The following LRBA variants were observed in gnomAD, a reference collection of about 807,000 sequenced individuals.
The protein encoded by LRBA is lipopolysaccharide-responsive and beige-like anchor protein.
LRBA carries 176 observed loss-of-function variants against 330.0 expected under a neutral mutation model. That is an observed-to-expected ratio of 0.53 (90% confidence interval 0.47 to 0.60). The LOEUF is 0.60. Among genes scored for constraint, LRBA ranks in the 20% least tolerant of loss-of-function variants. LRBA has a pLI of 0.00. For missense variants in LRBA, 3,259 were observed against 3,444.8 expected, an observed-to-expected ratio of 0.95 and a Z score of 1.35; for synonymous variants, 1,230 against 1,193.0, an observed-to-expected ratio of 1.03 and a Z score of -0.64.
chr4:150,976,554 TAA>T (rs1740202985), intron 2 of LRBA, among the ~76,000 whole-genome samples: 1 of 152,208 alleles, frequency 6.6e-6, no homozygotes, highest in Non-Finnish European at 1.5e-5. Flanking sequence ...TAATCTTTAT[TAA>T]GTTATTTTTT....
intron 36 of LRBA, among the ~76,000 whole-genome samples, chr4:150,688,244 T>C (rs1783800016): frequency 6.6e-6 from 1 of 152,190 alleles, no homozygotes; most frequent in Admixed American, 6.5e-5. Flanking sequence ...GAAAACTGGC[T>C]AGCCATATGC....
At chr4:150,401,410 G>A (rs1443853499) in intron 47 of LRBA, among the ~76,000 whole-genome samples, 1 of 152,076 alleles carries the variant, frequency 6.6e-6, no homozygotes, top group African/African-American at 2.4e-5. Context: ...ATAACTAAAT[G>A]ACATTATCTG....
chr4:150,359,241 T>C, intron 47 of LRBA, among the ~76,000 whole-genome samples: 1 of 152,204 alleles, frequency 6.6e-6, no homozygotes, highest in Non-Finnish European at 1.5e-5. Context: ...CATCTATTCA[T>C]TCAGTAAATA....
At chr4:150,639,682 T>C (rs188491566) in intron 37 of LRBA, among the ~76,000 whole-genome samples, 16 of 139,272 alleles carry the variant, frequency 1.1e-4, no homozygotes, top group Admixed American at 1.0e-3. Flanking sequence ...TAGAATGTTC[T>C]ACTGTATATC....
intron 2 of LRBA, among the ~76,000 whole-genome samples, chr4:151,005,452 A>C (rs1743920926): frequency 1.3e-5 from 2 of 151,046 alleles, no homozygotes; most frequent in South Asian, 2.1e-4. Context: ...AAAAAAAAAA[A>C]AAAAAAAAAA....
chr4:150,833,269 T>C (rs1747468959), intron 28 of LRBA, among the ~76,000 whole-genome samples: 1 of 151,888 alleles, frequency 6.6e-6, no homozygotes. Context: ...AAGGAGAACC[T>C]ACACACACCA....
chr4:150,427,697 A>G (rs1749825043), intron 46 of LRBA, among the ~76,000 whole-genome samples: 1 of 152,068 alleles, frequency 6.6e-6, no homozygotes, highest in African/African-American at 2.4e-5. Context: ...TTAAAACTCT[A>G]AATTATTAAA....
intron 2 of LRBA, among the ~76,000 whole-genome samples, chr4:150,997,722 G>C (rs1296035034): frequency 6.8e-6 from 1 of 147,806 alleles, no homozygotes; most frequent in African/African-American, 2.5e-5. Flanking sequence ...AATCCTTTTT[G>C]AGACAGAGTC....
chr4:150,370,453 T>C (rs546264960), intron 47 of LRBA, among the ~76,000 whole-genome samples: 2 of 152,268 alleles, frequency 1.3e-5, no homozygotes, highest in East Asian at 1.9e-4. Context: ...ACATACTATA[T>C]GATTCCAACT....
At chr4:150,989,557 G>A (rs925901080) in intron 2 of LRBA, among the ~76,000 whole-genome samples, 6 of 152,098 alleles carry the variant, frequency 3.9e-5, no homozygotes, top group Non-Finnish European at 8.8e-5. Flanking sequence ...AGGCTGCAGT[G>A]AGCCGAGATC....
At chr4:150,449,011 G>C (rs560063826) in intron 44 of LRBA, among the ~76,000 whole-genome samples, 2 of 152,148 alleles carry the variant, frequency 1.3e-5, no homozygotes, top group African/African-American at 2.4e-5. Flanking sequence ...AGACCAGGGG[G>C]TAGCTCTCTA....
At chr4:150,639,208 TAGGGGAA>T (rs1778242110) in intron 37 of LRBA, among the ~76,000 whole-genome samples, 1 of 81,096 alleles carries the variant, frequency 1.2e-5, no homozygotes, top group Non-Finnish European at 2.4e-5. Context: ...TGTGGTGGGG[TAGGGGAA>T]GGGGGGAGGG....
intron 40 of LRBA, chr4:150,584,152 C>G (rs1236735979): frequency 4.0e-6 from 6 of 1,495,372 alleles, no homozygotes; most frequent in Non-Finnish European, 5.3e-6. Context: ...CGGGCGTGCT[C>G]TCTCAGACAC....
At chr4:150,387,156 C>A (rs1324006630) in intron 47 of LRBA, among the ~76,000 whole-genome samples, 3 of 151,198 alleles carry the variant, frequency 2.0e-5, no homozygotes, top group East Asian at 1.9e-4. Context: ...AAATATTAGA[C>A]CTTTGTCAGA....
intron 17 of LRBA, among the ~76,000 whole-genome samples, chr4:150,875,961 A>C (rs1753984701): frequency 6.6e-6 from 1 of 152,220 alleles, no homozygotes. Flanking sequence ...GATATCCAAG[A>C]CAATGTTGAA....
At chr4:150,425,136 A>C (rs906569870) in intron 46 of LRBA, among the ~76,000 whole-genome samples, 1 of 152,248 alleles carries the variant, frequency 6.6e-6, no homozygotes, top group Non-Finnish European at 1.5e-5. Flanking sequence ...GTTCAAAATT[A>C]TCTCTTTTGA....
In LRBA at chr4:150,908,779, A is replaced by G. The variant is rs769941525; in HGVS notation, c.1240T>C (p.Ser414Pro). ...TTGTACGTGAATGCAATGGCACTAG[A>G]GAGTTTCCCATCGTACAATAAAAGT... Reference protein sequence around the residue: ...HKLLLYDGKLSSAIAFTYNPR... With the variant: ...HKLLLYDGKLPSAIAFTYNPR... The change falls in exon 10 of 57, where the codon TCT (serine) becomes CCT (proline). Residue 414 changes from serine to proline, a missense_variant. By Grantham distance (74) the Ser-to-Pro change is moderately conservative (BLOSUM62 -1). Transcript: ENST00000651943. 2 of 1,613,946 alleles carry G rather than the reference A, an allele frequency of 1.2e-6. No individual in the cohort carries two copies. The highest frequency in any genetic ancestry group is 3.3e-5 in the Admixed American group (2 of 60,010).
chr4:150,384,770 G>A (rs767482004), intron 47 of LRBA, among the ~76,000 whole-genome samples: 16 of 150,564 alleles, frequency 1.1e-4, no homozygotes, highest in Admixed American at 2.0e-4. Flanking sequence ...TTTTTTCAGA[G>A]GAAAGAATTA....
At chr4:150,985,660 A>G (rs1741379398) in intron 2 of LRBA, among the ~76,000 whole-genome samples, 1 of 151,964 alleles carries the variant, frequency 6.6e-6, no homozygotes, top group African/African-American at 2.4e-5. Context: ...CACCACACCC[A>G]GCTAATTTTT....
Sources: allele counts gnomAD v4.1 joint callset (sites outside exome capture counted in the v4.1 genomes callset), GRCh38; gene constraint gnomAD v4.1.1; transcripts MANE v1.5; gene names NCBI Gene and HGNC (gene_info 2026-07-23, HGNC 2026-07-21).